The following SPAG16 variants were observed in gnomAD, a reference collection of about 807,000 sequenced individuals.
SPAG16 encodes sperm-associated antigen 16 protein.
A neutral mutation model predicts 80.4 loss-of-function variants in SPAG16; 86 were observed. That is an observed-to-expected ratio of 1.07 (90% CI 0.90 to 1.28). SPAG16 has a LOEUF of 1.28. SPAG16 is among the 50% of genes most tolerant of loss of function. SPAG16 has a pLI of 0.00. For missense variants in SPAG16, 870 were observed against 765.3 expected (o/e 1.14, Z -1.61); for synonymous variants, 294 against 265.9 (o/e 1.11, Z -1.03).
At chr2:214,092,029 A>G (rs1481411675) in intron 13 of SPAG16, among the ~76,000 whole-genome samples, 1 of 152,170 alleles carries the variant, frequency 6.6e-6, no homozygotes, top group Admixed American at 6.6e-5. Flanking sequence ...GTTCAAATGT[A>G]TCTGATAGAA....
At chr2:213,423,056 C>T (rs761890845) in intron 9 of SPAG16, among the ~76,000 whole-genome samples, 4 of 152,214 alleles carry the variant, frequency 2.6e-5, no homozygotes, top group Non-Finnish European at 4.4e-5. Flanking sequence ...TCTCACAAGT[C>T]AGACAGAAGT....
chr2:214,240,771 A>G (rs532166003), intron 15 of SPAG16: 2 of 152,348 alleles, frequency 1.3e-5, no homozygotes, highest in East Asian at 3.9e-4. Context: ...TAGAATTTAT[A>G]GAAATTCTAC....
intron 13 of SPAG16, among the ~76,000 whole-genome samples, chr2:214,073,054 T>C (rs958521834): frequency 6.6e-6 from 1 of 151,954 alleles, no homozygotes; most frequent in Non-Finnish European, 1.5e-5. Flanking sequence ...GAATATAAGA[T>C]CAACATGAAA....
chr2:214,065,795 C>T lies in SPAG16; in HGVS notation c.1528-42401C>T, dbSNP rs2050502348. ...CAGATAAAATGAGCCTCTCATTCTT[C>T]TCCATTAAATTAGGAGACATTGGTT... On this transcript the variant is annotated intron_variant, in intron 13 of 15. Coordinates refer to ENST00000331683, the MANE Select transcript of SPAG16 (RefSeq NM_024532.5). Among the ~76,000 whole-genome samples the T allele has an allele frequency of 2.0e-5, 3 of 152,148 alleles. 1 individual carries two copies. The South Asian group carries it at 6.2e-4, about 31-fold the overall frequency.
intron 15 of SPAG16, among the ~76,000 whole-genome samples, chr2:214,368,840 T>C (rs1266521515): frequency 6.6e-6 from 1 of 152,090 alleles, no homozygotes; most frequent in Non-Finnish European, 1.5e-5. Context: ...CCTCTAAGAA[T>C]CTAAATTCTG....
chr2:213,471,339 A>T (rs1323486739), intron 9 of SPAG16, among the ~76,000 whole-genome samples: 1 of 152,094 alleles, frequency 6.6e-6, no homozygotes, highest in African/African-American at 2.4e-5. Context: ...AATCACGTAT[A>T]TACCACTTCC....
At chr2:213,728,493 G>T (rs962672001) in intron 10 of SPAG16, among the ~76,000 whole-genome samples, 2 of 152,156 alleles carry the variant, frequency 1.3e-5, no homozygotes, top group African/African-American at 4.8e-5. Flanking sequence ...AAAAGGAAAT[G>T]GGTTTTAGAG....
chr2:213,799,985 T>C (rs1346463637), intron 10 of SPAG16, among the ~76,000 whole-genome samples: 2 of 150,282 alleles, frequency 1.3e-5, no homozygotes, highest in Non-Finnish European at 3.0e-5. Flanking sequence ...AAGAAAAAAC[T>C]GTTTTCAGCT....
intron 11 of SPAG16, among the ~76,000 whole-genome samples, chr2:213,866,438 A>G (rs1220706829): frequency 6.6e-6 from 1 of 152,170 alleles, no homozygotes; most frequent in African/African-American, 2.4e-5. Flanking sequence ...TCCGACTATG[A>G]GGACATCATA....
chr2:214,341,068 C>T (rs1697652534), intron 15 of SPAG16, among the ~76,000 whole-genome samples: 1 of 152,156 alleles, frequency 6.6e-6, no homozygotes, highest in Non-Finnish European at 1.5e-5. Flanking sequence ...TTTGTGAATA[C>T]ACTGGTGTCC....
chr2:213,691,679 C>A (rs1422835155), intron 10 of SPAG16, among the ~76,000 whole-genome samples: 1 of 152,204 alleles, frequency 6.6e-6, no homozygotes, highest in African/African-American at 2.4e-5. Context: ...AATTTTTAAT[C>A]TCTTGCTCTT....
intron 11 of SPAG16, among the ~76,000 whole-genome samples, chr2:213,899,704 T>C (rs2077140110): frequency 6.6e-6 from 1 of 152,104 alleles, no homozygotes; most frequent in Admixed American, 6.6e-5. Context: ...ACCATAGAGC[T>C]ATCCTGCTCT....
intron 10 of SPAG16, among the ~76,000 whole-genome samples, chr2:213,725,301 G>A (rs903492511): frequency 1.3e-5 from 2 of 152,156 alleles, no homozygotes; most frequent in African/African-American, 4.8e-5. Context: ...TGGTATTACA[G>A]GCATGAACCA....
At chr2:213,732,413 C>T (rs2067092044) in intron 10 of SPAG16, among the ~76,000 whole-genome samples, 2 of 152,166 alleles carry the variant, frequency 1.3e-5, no homozygotes, top group African/African-American at 2.4e-5. Flanking sequence ...CTACAAGCCA[C>T]TGCTCAAAAG....
intron 10 of SPAG16, among the ~76,000 whole-genome samples, chr2:213,684,296 C>A (rs2064549113): frequency 6.6e-6 from 1 of 152,062 alleles, no homozygotes; most frequent in Non-Finnish European, 1.5e-5. Flanking sequence ...AAATGAAGTA[C>A]TATAGGTCTT....
chr2:213,296,732 C>A (rs1225302410), intron 2 of SPAG16, among the ~76,000 whole-genome samples: 1 of 152,130 alleles, frequency 6.6e-6, no homozygotes, highest in Non-Finnish European at 1.5e-5. Context: ...ATGTGTACCA[C>A]ATGAAGTTCC....
At chr2:213,593,658 T>A (rs1161147570) in intron 10 of SPAG16, among the ~76,000 whole-genome samples, 1 of 151,640 alleles carries the variant, frequency 6.6e-6, no homozygotes, top group Admixed American at 6.6e-5. Context: ...TTCCTTCTCT[T>A]TTCTAGGTCA....
At chr2:213,294,688 A>G (rs1163503688) in intron 1 of SPAG16, among the ~76,000 whole-genome samples, 1 of 152,198 alleles carries the variant, frequency 6.6e-6, no homozygotes, top group Non-Finnish European at 1.5e-5. Context: ...TGCAAGGGAT[A>G]GGGATAAGAC....
At chr2:214,127,294 G>A (rs566294212) in intron 14 of SPAG16, among the ~76,000 whole-genome samples, 1 of 151,772 alleles carries the variant, frequency 6.6e-6, no homozygotes, top group Non-Finnish European at 1.5e-5. Flanking sequence ...TTCAAGTGCA[G>A]TATCAACTGT....
Sources: allele counts gnomAD v4.1 joint callset (sites outside exome capture counted in the v4.1 genomes callset), GRCh38; gene constraint gnomAD v4.1.1; transcripts MANE v1.5; gene names NCBI Gene and HGNC (gene_info 2026-07-23, HGNC 2026-07-21).